SCHIP1: variants seen among roughly 807,000 people sequenced by gnomAD.
The protein encoded by SCHIP1 is schwannomin interacting protein 1.
A neutral mutation model predicts 29.7 loss-of-function variants in SCHIP1; 8 were observed. That is an observed-to-expected ratio of 0.27 (90% confidence interval 0.16 to 0.49). The LOEUF is 0.49. Among genes scored for constraint, SCHIP1 ranks in the 20% least tolerant of loss-of-function variants. The pLI is 0.99. For synonymous variants in SCHIP1, 76 were observed against 94.9 expected, an observed-to-expected ratio of 0.80 and a Z score of 1.16; for missense variants, 193 against 294.6, an observed-to-expected ratio of 0.66 and a Z score of 2.52.
chr3:159,318,730 TC>T, the SCHIP1 span, among the ~76,000 whole-genome samples: 1 of 152,150 alleles, frequency 6.6e-6, no homozygotes, highest in African/African-American at 2.4e-5. Context: ...ACTTGTGCCT[TC>T]AGGGCCTGCT....
the SCHIP1 span, among the ~76,000 whole-genome samples, chr3:159,419,956 G>A: frequency 2.6e-5 from 4 of 152,150 alleles, no homozygotes; most frequent in African/African-American, 9.7e-5. Flanking sequence ...ACCATTTAAG[G>A]ACCATTTGAG....
the SCHIP1 span, among the ~76,000 whole-genome samples, chr3:159,384,736 T>G: frequency 2.4e-4 from 36 of 151,900 alleles, no homozygotes; most frequent in African/African-American, 8.7e-4. Context: ...ATCCATCTGG[T>G]TCTGGACTCT....
the SCHIP1 span, among the ~76,000 whole-genome samples, chr3:159,624,869 T>C: frequency 1.3e-5 from 2 of 152,316 alleles, 1 homozygote; most frequent in East Asian, 3.9e-4. Flanking sequence ...TCTCCCTGGA[T>C]AGCCTGAGCC....
chr3:159,629,082 A>G, the SCHIP1 span, among the ~76,000 whole-genome samples: 1 of 152,250 alleles, frequency 6.6e-6, no homozygotes, highest in South Asian at 2.1e-4. Context: ...AAATACGGTA[A>G]TGATAATGCA....
the SCHIP1 span, among the ~76,000 whole-genome samples, chr3:159,689,037 C>T: frequency 1.2e-4 from 19 of 152,314 alleles, no homozygotes; most frequent in African/African-American, 4.1e-4. Flanking sequence ...AACGTCATGC[C>T]TCCAGCTTTG....
the SCHIP1 span, among the ~76,000 whole-genome samples, chr3:159,433,000 G>T: frequency 6.6e-6 from 1 of 152,276 alleles, no homozygotes. Context: ...AAAAGAGCCA[G>T]ATTTGAGGTG....
At chr3:159,571,517 TG>T in the SCHIP1 span, among the ~76,000 whole-genome samples, 2 of 152,240 alleles carry the variant, frequency 1.3e-5, no homozygotes, top group Non-Finnish European at 2.9e-5. Context: ...GATGTGCTGC[TG>T]GATTCGGTTT....
At chr3:159,449,250 G>A in the SCHIP1 span, among the ~76,000 whole-genome samples, 4 of 152,138 alleles carry the variant, frequency 2.6e-5, no homozygotes, top group African/African-American at 9.7e-5. Context: ...AAAATGGTGT[G>A]TAGATCTTGG....
the SCHIP1 span, among the ~76,000 whole-genome samples, chr3:159,603,422 CG>C: frequency 6.6e-6 from 1 of 152,144 alleles, no homozygotes; most frequent in Admixed American, 6.5e-5. Flanking sequence ...AGGTTGGTGG[CG>C]GGGTGAGGCT....
the SCHIP1 span, among the ~76,000 whole-genome samples, chr3:159,573,949 T>C: frequency 6.6e-6 from 1 of 152,246 alleles, no homozygotes; most frequent in East Asian, 1.9e-4. Context: ...TGCCATGGTT[T>C]TCAGCTCCAT....
the SCHIP1 span, among the ~76,000 whole-genome samples, chr3:159,371,850 A>T: frequency 3.3e-5 from 5 of 152,174 alleles, no homozygotes; most frequent in African/African-American, 1.2e-4. Flanking sequence ...CATGTTCCAT[A>T]CAGATGCAAT....
At chr3:159,889,092 G>C in intron 5 of SCHIP1, 149 bp downstream of exon 6, 2 of 1,160,046 alleles carry the variant, frequency 1.7e-6, no homozygotes, top group East Asian at 5.5e-5. Flanking sequence ...GCTCTTTTTT[G>C]TTGCTGTTGT....
chr3:159,554,858 CA>C, the SCHIP1 span, among the ~76,000 whole-genome samples: 2 of 151,996 alleles, frequency 1.3e-5, no homozygotes, highest in Non-Finnish European at 2.9e-5. Context: ...GTTGCTGTGG[CA>C]AATACTACTA....
the SCHIP1 span, among the ~76,000 whole-genome samples, chr3:159,668,196 C>T: frequency 2.6e-5 from 4 of 151,966 alleles, no homozygotes; most frequent in East Asian, 1.9e-4. Flanking sequence ...GGTGAAACCC[C>T]GTCTCTACTA....
the SCHIP1 span, among the ~76,000 whole-genome samples, chr3:159,704,892 CT>C: frequency 1.3e-5 from 1 of 77,000 alleles, no homozygotes; most frequent in Admixed American, 1.4e-4. Context: ...TTCTTTCTTT[CT>C]TTCTTTCTTT....
chr3:159,414,674 G>C, the SCHIP1 span, among the ~76,000 whole-genome samples: 1 of 152,074 alleles, frequency 6.6e-6, no homozygotes, highest in Non-Finnish European at 1.5e-5. Context: ...TATTCTCCTA[G>C]AATCAGTGTT....
At chr3:159,780,985 T>C in the SCHIP1 span, among the ~76,000 whole-genome samples, 1 of 152,214 alleles carries the variant, frequency 6.6e-6, no homozygotes. Context: ...AGGAATCAGA[T>C]CATCATCTCC....
intron 1 of SCHIP1, among the ~76,000 whole-genome samples, chr3:159,858,790 C>T (rs1486126810): frequency 9.2e-5 from 14 of 152,196 alleles, no homozygotes; most frequent in Non-Finnish European, 1.8e-4. Flanking sequence ...CCAGCTCTCT[C>T]GTGGGTACAG....
At chr3:159,761,209 A>T in the SCHIP1 span, among the ~76,000 whole-genome samples, 14 of 152,368 alleles carry the variant, frequency 9.2e-5, no homozygotes, top group African/African-American at 3.4e-4. Context: ...CTGCATGAAG[A>T]GAATGGGCAG....
Sources: gnomAD v4.1 joint callset for allele counts (sites outside exome capture counted in the v4.1 genomes callset) on GRCh38, gnomAD v4.1.1 for gene constraint, MANE v1.5 for transcripts, NCBI Gene and HGNC (gene_info 2026-07-23, HGNC 2026-07-21) for gene names.